Variants in MARCHF1 observed in about 807,000 individuals in gnomAD.
MARCHF1 encodes membrane associated ring-CH-type finger 1.
MARCHF1 carries 40 observed loss-of-function variants against 54.2 expected under a neutral mutation model. The ratio of observed to expected loss-of-function variants is 0.74; its 90% CI spans 0.57 to 0.96. MARCHF1 has a LOEUF of 0.96. Ranked by LOEUF, MARCHF1 falls within the 40% of genes least tolerant of loss-of-function variation. The probability of loss-of-function intolerance (pLI) is 0.00; values close to 1 mark genes in which losing one functional copy is unlikely to be tolerated. For synonymous variants in MARCHF1, 236 were observed against 236.3 expected, an observed-to-expected ratio of 1.00 and a Z score of 0.01; for missense variants, 586 against 656.5, an observed-to-expected ratio of 0.89 and a Z score of 1.17.
chr4:163,673,247 T>C (rs1743796616), intron 5 of MARCHF1, among the ~76,000 whole-genome samples: 1 of 152,244 alleles, frequency 6.6e-6, no homozygotes, highest in African/African-American at 2.4e-5. Context: ...CATTGATTTT[T>C]ACTCAATATT....
At chr4:164,033,550 A>G (rs1179050907) in intron 2 of MARCHF1, among the ~76,000 whole-genome samples, 1 of 152,214 alleles carries the variant, frequency 6.6e-6, no homozygotes, top group Non-Finnish European at 1.5e-5. Flanking sequence ...AATATCCAGA[A>G]TTTACAAGGA....
chr4:163,884,532 C>T (rs1475999069), intron 3 of MARCHF1, among the ~76,000 whole-genome samples: 2 of 152,102 alleles, frequency 1.3e-5, no homozygotes, highest in Non-Finnish European at 2.9e-5. Flanking sequence ...TTCTCCTTCC[C>T]CTTGTTCCTA....
intron 1 of MARCHF1, among the ~76,000 whole-genome samples, chr4:164,340,420 T>C (rs553556605): frequency 1.6e-5 from 2 of 125,168 alleles, no homozygotes; most frequent in East Asian, 5.1e-4. Context: ...TATAGATATA[T>C]ATATATATAT....
At chr4:163,795,527 GCATCTTAATGAT>G (rs1426376704) in intron 4 of MARCHF1, among the ~76,000 whole-genome samples, 3 of 152,220 alleles carry the variant, frequency 2.0e-5, no homozygotes, top group Non-Finnish European at 4.4e-5. Flanking sequence ...ACCATGCCCA[GCATCTTAATGAT>G]ATTTTCTAAC....
At chr4:163,921,841 T>C (rs193018649) in intron 3 of MARCHF1, among the ~76,000 whole-genome samples, 28 of 152,254 alleles carry the variant, frequency 1.8e-4, no homozygotes, top group Middle Eastern at 3.4e-3. Context: ...TTGGCAAAGG[T>C]ATTTTGTACC....
chr4:163,672,123 A>T (rs1213846796), intron 5 of MARCHF1, among the ~76,000 whole-genome samples: 2 of 152,208 alleles, frequency 1.3e-5, no homozygotes, highest in African/African-American at 4.8e-5. Flanking sequence ...TAACCATGTG[A>T]TCTTGAGCAT....
At chr4:163,532,107 T>C (rs985682876) in intron 9 of MARCHF1, among the ~76,000 whole-genome samples, 1 of 151,790 alleles carries the variant, frequency 6.6e-6, no homozygotes, top group Admixed American at 6.6e-5. Context: ...TTCTAAAGTG[T>C]ATATGGAGAG....
intron 4 of MARCHF1, among the ~76,000 whole-genome samples, chr4:163,730,537 T>C (rs1166952909): frequency 2.0e-5 from 3 of 152,160 alleles, no homozygotes; most frequent in Non-Finnish European, 4.4e-5. Context: ...TACCTTTTAC[T>C]CAAGATTTGG....
chr4:164,165,590 A>T (rs1462126210), intron 1 of MARCHF1, among the ~76,000 whole-genome samples: 1 of 151,950 alleles, frequency 6.6e-6, no homozygotes, highest in African/African-American at 2.4e-5. Context: ...GCTGACTAAG[A>T]TATCTAGTTT....
chr4:163,960,185 G>C (rs1752319115), intron 3 of MARCHF1, among the ~76,000 whole-genome samples: 1 of 152,108 alleles, frequency 6.6e-6, no homozygotes, highest in African/African-American at 2.4e-5. Flanking sequence ...AGAAGAAAGG[G>C]AACACTCATA....
intron 4 of MARCHF1, among the ~76,000 whole-genome samples, chr4:163,738,883 C>T (rs56405308): frequency 0.021 from 3,259 of 152,232 alleles, 104 homozygotes; most frequent in African/African-American, 0.067. Flanking sequence ...CAGCAACTAA[C>T]CTCTACCTCC....
intron 2 of MARCHF1, among the ~76,000 whole-genome samples, chr4:164,027,362 TAAAAAAAAAAA>T (rs59453843): frequency 5.1e-3 from 55 of 10,786 alleles, no homozygotes; most frequent in East Asian, 0.017. Flanking sequence ...ATGGTACAGG[TAAAAAAAAAAA>T]AAAAAAAAAA....
intron 5 of MARCHF1, among the ~76,000 whole-genome samples, chr4:163,682,680 AT>A (rs1744143877): frequency 6.6e-6 from 1 of 152,184 alleles, no homozygotes; most frequent in Admixed American, 6.5e-5. Flanking sequence ...GGTTACCCCC[AT>A]GCTGCTGTTC....
intron 4 of MARCHF1, among the ~76,000 whole-genome samples, chr4:163,708,977 G>A (rs746447280): frequency 6.6e-6 from 1 of 152,074 alleles, no homozygotes; most frequent in Admixed American, 6.6e-5. Context: ...ATGATATATT[G>A]TTAAGGTAAT....
intron 4 of MARCHF1, among the ~76,000 whole-genome samples, chr4:163,824,338 T>C (rs1425118392): frequency 6.6e-6 from 1 of 151,528 alleles, no homozygotes; most frequent in African/African-American, 2.4e-5. Context: ...TAATGCCGCA[T>C]ATCTACAACT....
rs1373545919 is a variant in MARCHF1 at position 164,251,494 on chromosome 4, C to A, written c.-323+132376G>T. 2.6e-5 allele frequency among the ~76,000 whole-genome samples: 4 copies of A among 152,284 alleles called. No homozygotes were observed. In the East Asian group the frequency reaches 7.7e-4, roughly 29 times the overall value. On this transcript the variant is annotated intron_variant, in intron 1 of 9. Coordinates refer to ENST00000514618, the MANE Select transcript of MARCHF1 (RefSeq NM_001394959.1). ...CCCCACAGATGCCAAATTTTAGCCT[C>A]AGGCCAAACAGAAATTCACATGGAA...
In MARCHF1 at chr4:163,713,980, C is replaced by T. The variant is rs143722568; in HGVS notation, c.112-13117G>A. ...TAAGCTTATAATAATAACAAATAAGCATAACAATAAATTTGCAGTAAGATT... is the reference window on the plus strand; with the variant it reads ...TAAGCTTATAATAATAACAAATAAGTATAACAATAAATTTGCAGTAAGATT... On this transcript the variant is annotated intron_variant, in intron 4 of 9. Coordinates refer to ENST00000514618, the MANE Select transcript of MARCHF1 (RefSeq NM_001394959.1). Among the ~76,000 whole-genome samples the T allele has an allele frequency of 3.9e-5, 6 of 152,246 alleles. No homozygotes were observed. The East Asian group carries it at 1.2e-3, about 29-fold the overall frequency.
intron 5 of MARCHF1, among the ~76,000 whole-genome samples, chr4:163,666,409 A>G (rs777506862): frequency 2.6e-5 from 4 of 152,120 alleles, no homozygotes; most frequent in Non-Finnish European, 4.4e-5. Flanking sequence ...TTTTAGTTAC[A>G]CCCAACCCCC....
At chr4:163,924,104 G>A (rs1351787545) in intron 3 of MARCHF1, among the ~76,000 whole-genome samples, 1 of 152,072 alleles carries the variant, frequency 6.6e-6, no homozygotes, top group African/African-American at 2.4e-5. Context: ...TGCATGGAGT[G>A]TAGAAAGGTT....
Sources: gnomAD v4.1 joint callset for allele counts (sites outside exome capture counted in the v4.1 genomes callset) on GRCh38, gnomAD v4.1.1 for gene constraint, MANE v1.5 for transcripts, NCBI Gene and HGNC (gene_info 2026-07-23, HGNC 2026-07-21) for gene names.